PINLYP: variants seen among roughly 807,000 people sequenced by gnomAD.
The protein encoded by PINLYP is phospholipase A2 inhibitor and Ly6/PLAUR domain-containing protein.
PINLYP carries 12 observed loss-of-function variants against 15.8 expected under a neutral mutation model. The ratio of observed to expected loss-of-function variants is 0.76; its 90% CI spans 0.49 to 1.23. The LOEUF (loss-of-function observed/expected upper bound fraction) is 1.23. Ranked by LOEUF, PINLYP falls within the 50% of genes most tolerant of loss-of-function variation. The probability of loss-of-function intolerance (pLI) is 0.00; values close to 1 mark genes in which losing one functional copy is unlikely to be tolerated. For missense variants in PINLYP, 278 were observed against 264.2 expected (o/e 1.05, Z -0.36); for synonymous variants, 93 against 97.7 (o/e 0.95, Z 0.28).
chr19:43,578,776 C>A, intron 3 of PINLYP, 70 bp downstream of exon 3: 2 of 1,184,760 alleles, frequency 1.7e-6, no homozygotes, highest in Non-Finnish European at 2.4e-6. Flanking sequence ...GACTACCATG[C>A]TGAGGGGGGA....
intron 3 of PINLYP, chr19:43,578,989 G>A (rs1025556365): frequency 8.5e-6 from 3 of 352,416 alleles, no homozygotes; most frequent in Admixed American, 4.1e-5. Flanking sequence ...AGGCAGAAGA[G>A]GGGTAAGGAA....
At chr19:43,580,784 A>C (rs913128750) in intron 3 of PINLYP, 2 of 784,012 alleles carry the variant, frequency 2.6e-6, no homozygotes, top group Non-Finnish European at 3.1e-6. Flanking sequence ...ATTTGGCCGC[A>C]TGGCTCTAGG....
intron 3 of PINLYP, among the ~76,000 whole-genome samples, chr19:43,579,559 G>A (rs1019634490): frequency 2.0e-5 from 3 of 150,446 alleles, no homozygotes; most frequent in Admixed American, 2.0e-4. Flanking sequence ...GCAAATCATC[G>A]TAAAGAGGAG....
chr19:43,576,677 G>A (rs1427406780), exon 1 of PINLYP: 1 of 159,810 alleles, frequency 6.3e-6, no homozygotes, highest in Admixed American at 6.2e-5. Context: ...AACACACAAG[G>A]AGTGTGAGCC....
At chr19:43,578,477 A>G in intron 2 of PINLYP, 113 bp from the exon 3 acceptor site, 1 of 705,534 alleles carries the variant, frequency 1.4e-6, no homozygotes, top group Non-Finnish European at 2.3e-6. Flanking sequence ...CCCATGAAAA[A>G]CCAGGGAGCT....
intron 3 of PINLYP, chr19:43,580,251 GGA>G (rs1972914166): frequency 1.3e-5 from 2 of 152,508 alleles, no homozygotes; most frequent in Admixed American, 6.6e-5. Flanking sequence ...CGGGAAGGGA[GGA>G]GAGAGAGCTG....
chr19:43,578,602 A>G lies in PINLYP; in HGVS notation c.83A>G (p.His28Arg), dbSNP rs773985003. The G allele has an allele frequency of 7.8e-6, 12 of 1,535,632 alleles. No homozygotes were observed. In the Admixed American group the frequency reaches 2.0e-4, roughly 25 times the overall value. The change falls in exon 3 of 6, where the codon CAC becomes CGC. Residue 28 changes from histidine to arginine, a missense_variant. Physicochemically the swap from His to Arg is conservative, Grantham distance 29. Coordinates refer to ENST00000599207, the Ensembl canonical transcript of PINLYP. ...GTCTACACTGCAGGGTGCCCACTAC[A>G]CTGCGAAATATGTACGGCGGCGGGG...
At chr19:43,582,011 T>C (rs759923926) in exon 6 of PINLYP, 127 of 1,535,772 alleles carry the variant, frequency 8.3e-5, no homozygotes, top group Non-Finnish European at 1.1e-4. Context: ...AAAAGCTATC[T>C]GAACAGAGGA....
At chr19:43,579,507 A>G (rs1600066980) in intron 3 of PINLYP, among the ~76,000 whole-genome samples, 1 of 151,156 alleles carries the variant, frequency 6.6e-6, no homozygotes, top group Non-Finnish European at 1.5e-5. Flanking sequence ...TCGACCTCCC[A>G]AAGTGCTGGG....
At chr19:43,577,080 C>T (rs963589520) in intron 1 of PINLYP, 35 bp from the exon 2 acceptor site, 3 of 1,529,926 alleles carry the variant, frequency 2.0e-6, no homozygotes, top group Non-Finnish European at 2.6e-6. Context: ...CAGAGGACTG[C>T]CCTGGGTTCT....
chr19:43,578,540 G>A lies in PINLYP; in HGVS notation c.71-50G>A, dbSNP rs561574029. 550 of 1,395,586 alleles carry A rather than the reference G, an allele frequency of 3.9e-4. 4 individuals are homozygous for A. In the South Asian group the frequency reaches 4.6e-3, roughly 12 times the overall value. 86.5% of individuals were successfully genotyped at this position (1,395,586 alleles called of 1,614,324 possible). A position where few individuals can be genotyped will look rare whatever the true frequency, so the allele number is the denominator to read the frequency against. ...AAGTCCTAAGTCAAAGTCGTGGTCC[G>A]AAGACCACACCACCCATGACTACAG... On this transcript the variant is annotated intron_variant, in intron 2 of 5. Transcript: ENST00000599207.
intron 1 of PINLYP, 43 bp from the exon 2 acceptor site, chr19:43,577,072 G>A: frequency 6.6e-7 from 1 of 1,518,502 alleles, no homozygotes; most frequent in Non-Finnish European, 8.8e-7. Flanking sequence ...GGAGGCCACA[G>A]AGGACTGCCC....
chr19:43,581,139 C>A, intron 3 of PINLYP, 73 bp from the exon 4 acceptor site: 1 of 1,487,510 alleles, frequency 6.7e-7, no homozygotes, highest in Non-Finnish European at 9.0e-7. Flanking sequence ...TAGGGTTAGG[C>A]AAGACCTTGA....
rs933831133 is a variant in PINLYP at position 43,577,002 on chromosome 19, G to C, written c.-78+83G>C. ...AGACTCCTGGGGTCTCCATGGAGGT[G>C]GGGGGCTGGGCACAAGATGCCCAGG... On this transcript the variant is annotated intron_variant, in intron 1 of 5. Coordinates refer to ENST00000599207, the Ensembl canonical transcript of PINLYP. 1.4e-5 allele frequency: 15 copies of C among 1,055,526 alleles called. No homozygotes were observed. The Admixed American group carries it at 2.7e-4, about 19-fold the overall frequency. The allele number at this position is 1,055,526 out of a possible 1,614,324, so 65.4% of individuals were successfully genotyped here.
At chr19:43,577,737 T>A (rs985507360) in intron 2 of PINLYP, among the ~76,000 whole-genome samples, 1 of 151,700 alleles carries the variant, frequency 6.6e-6, no homozygotes, top group Non-Finnish European at 1.5e-5. Flanking sequence ...ACCCCGTCTT[T>A]ACTAAAAATA....
At chr19:43,579,003 C>A in intron 3 of PINLYP, 1 of 318,910 alleles carries the variant, frequency 3.1e-6, no homozygotes. Context: ...TAAGGAAAGA[C>A]ACTGTGGGGG....
chr19:43,575,532 G>A (rs1188606078), upstream of PINLYP: 3 of 1,513,328 alleles, frequency 2.0e-6, no homozygotes, highest in Admixed American at 1.8e-5. Context: ...GAGAGTGGGA[G>A]GGGGCGGGGT....
At chr19:43,580,068 G>A (rs761945321) in intron 3 of PINLYP, among the ~76,000 whole-genome samples, 6 of 152,122 alleles carry the variant, frequency 3.9e-5, no homozygotes, top group Non-Finnish European at 5.9e-5. Flanking sequence ...GAGATGATGA[G>A]GCCTGGTGAG....
exon 1 of PINLYP, among the ~76,000 whole-genome samples, chr19:43,576,253 G>T (rs191291745): frequency 6.6e-6 from 1 of 152,112 alleles, no homozygotes; most frequent in Non-Finnish European, 1.5e-5. Flanking sequence ...TCGTAGTTTC[G>T]TAGGGAACCT....
Sources: allele counts gnomAD v4.1 joint callset (sites outside exome capture counted in the v4.1 genomes callset), GRCh38; gene constraint gnomAD v4.1.1; transcripts MANE v1.5; gene names NCBI Gene and HGNC (gene_info 2026-07-23, HGNC 2026-07-21).